TBC1D12: variants seen among roughly 807,000 people sequenced by gnomAD.
TBC1D12 encodes the protein TBC1 domain family member 12.
TBC1D12 carries 56 observed loss-of-function variants against 86.7 expected under a neutral mutation model. The ratio of observed to expected loss-of-function variants is 0.65; its 90% CI spans 0.52 to 0.81. TBC1D12 has a LOEUF of 0.81. TBC1D12 is among the 30% of genes least tolerant of loss of function. The pLI, the probability that TBC1D12 is intolerant of heterozygous loss-of-function variation, is 0.00. For synonymous variants in TBC1D12, 421 were observed against 411.7 expected, an observed-to-expected ratio of 1.02 and a Z score of -0.27; for missense variants, 1,023 against 1,038.8, an observed-to-expected ratio of 0.98 and a Z score of 0.21.
chr10:94,486,596 T>A (rs1014111015), intron 3 of TBC1D12, among the ~76,000 whole-genome samples: 1 of 152,220 alleles, frequency 6.6e-6, no homozygotes, highest in Admixed American at 6.5e-5. Context: ...AATTTGCATG[T>A]GTTTGTATAG....
At position 94,494,650 on chromosome 10, in the gene TBC1D12, C is replaced by T. The variant is rs556416049; in HGVS notation, c.1294+1203C>T. Among the ~76,000 whole-genome samples the T allele has an allele frequency of 1.3e-4, 19 of 151,588 alleles. No homozygotes were observed. The South Asian group carries it at 3.8e-3, about 30-fold the overall frequency. On this transcript the variant is annotated intron_variant, in intron 4 of 12. Transcript: ENST00000225235. The stretch of plus-strand genomic sequence containing the variant: ...CCTCAATCTCCCAGGCTCAGGAGAT[C>T]CTCTCACCTCAGCCTCCCAAGTAGC...
chr10:94,459,412 C>T (rs985455351), intron 2 of TBC1D12, among the ~76,000 whole-genome samples: 14 of 152,272 alleles, frequency 9.2e-5, no homozygotes, highest in African/African-American at 2.7e-4. Flanking sequence ...CCACCCGACT[C>T]AAGAGCCCAG....
intron 9 of TBC1D12, among the ~76,000 whole-genome samples, chr10:94,521,221 C>CAAAAAAAAAAAAAAAACA (rs2134222909): frequency 2.1e-5 from 1 of 48,488 alleles, no homozygotes; most frequent in Non-Finnish European, 4.6e-5. Flanking sequence ...AAAAAGAAAC[C>CAAAAAAAAAAAAAAAACA]AAAAAAAAAA....
chr10:94,451,958 T>G (rs1024545972), intron 2 of TBC1D12, among the ~76,000 whole-genome samples: 4 of 152,012 alleles, frequency 2.6e-5, no homozygotes, highest in Non-Finnish European at 4.4e-5. Flanking sequence ...AGTTTGTGGT[T>G]GTTAAACCAA....
Position 94,507,635 on chromosome 10 carries a change from G to A in TBC1D12, c.1600+288G>A, listed in dbSNP as rs373902470. On this transcript the variant is annotated intron_variant, in intron 7 of 12. Transcript: ENST00000225235. ...ATCATTTTTGACTCATTTTTATGAA[G>A]CATTGAAATTATGAGAATTAAAATT... is the stretch of plus-strand genomic sequence containing the variant. Among the ~76,000 whole-genome samples the A allele has an allele frequency of 7.2e-5, 11 of 152,258 alleles. No individual in the cohort carries two copies. The East Asian group carries it at 2.1e-3, about 29-fold the overall frequency.
chr10:94,469,730 G>A (rs910021117), intron 2 of TBC1D12, among the ~76,000 whole-genome samples: 4 of 152,130 alleles, frequency 2.6e-5, no homozygotes, highest in African/African-American at 4.8e-5. Context: ...GATTACAGGT[G>A]TGAGCCACTG....
At chr10:94,511,883 A>G (rs1217986194) in intron 9 of TBC1D12, among the ~76,000 whole-genome samples, 3 of 152,186 alleles carry the variant, frequency 2.0e-5, no homozygotes, top group Non-Finnish European at 4.4e-5. Flanking sequence ...CATGCAATTT[A>G]TAAACTTTTA....
At chr10:94,528,130 T>C (rs1316215660) in intron 11 of TBC1D12, among the ~76,000 whole-genome samples, 1 of 152,140 alleles carries the variant, frequency 6.6e-6, no homozygotes, top group African/African-American at 2.4e-5. Flanking sequence ...ATTGGTATTT[T>C]GATAGGGATT....
intron 2 of TBC1D12, among the ~76,000 whole-genome samples, chr10:94,455,554 T>G (rs534271158): frequency 1.1e-4 from 16 of 152,334 alleles, no homozygotes; most frequent in South Asian, 1.0e-3. Context: ...AATTATTGAT[T>G]CAGTTTCTTC....
At position 94,403,092 on chromosome 10, in the gene TBC1D12, G is replaced by A; in HGVS notation, c.479G>A (p.Gly160Asp). Residue 160 changes from glycine (G) to aspartate (D), a missense_variant, in exon 1 of 13, where the codon GGC (glycine) becomes GAC (aspartate). Gly to Asp is a moderately conservative substitution (Grantham distance 94). Around this residue, in one of 2 missense-constraint regions of TBC1D12, gnomAD observed 628 missense variants for 531.1 expected, o/e 1.18. Coordinates refer to ENST00000225235, the MANE Select transcript of TBC1D12 (RefSeq NM_015188.2). The stretch of plus-strand genomic sequence containing the variant: ...GCTCGCGGGCTGGCGCGCGCCGGCG[G>A]CCGGGAGTCGCGCCGCCGCCGCCCC... The part of the protein sequence containing the change: ...EEARGLARAG[G>D]RESRRRRPYG... The A allele has an allele frequency of 7.1e-7, 1 of 1,409,262 alleles. No individual in the cohort carries two copies. The highest frequency in any genetic ancestry group is 9.2e-7 in the Non-Finnish European group (1 of 1,086,360). 87.3% of individuals were successfully genotyped at this position (1,409,262 alleles called of 1,614,324 possible). A position where few individuals can be genotyped will look rare whatever the true frequency, so the allele number is the denominator to read the frequency against.
rs190808217 is a variant in TBC1D12 at position 94,522,726 on chromosome 10, C to G, written c.2000+273C>G. ...GTCAGGAGTTCAAGACCAGCCTGTC[C>G]CACATGGCGAAACCCCGTCTCTACT... On this transcript the variant is annotated intron_variant, in intron 11 of 12. Transcript: ENST00000225235. Among the ~76,000 whole-genome samples, 233 of 151,936 alleles carry G rather than the reference C, an allele frequency of 1.5e-3. 1 individual carries two copies. Among genetic ancestry groups the G allele is most frequent in the Non-Finnish European group, 2.7e-3 (185 of 67,976 alleles).
intron 3 of TBC1D12, among the ~76,000 whole-genome samples, chr10:94,491,189 A>G (rs868780980): frequency 2.6e-5 from 4 of 152,124 alleles, no homozygotes; most frequent in Non-Finnish European, 4.4e-5. Context: ...CTAATGATTT[A>G]AGGGGAAAGG....
chr10:94,478,149 C>T (rs1195415221), intron 3 of TBC1D12, among the ~76,000 whole-genome samples: 1 of 152,124 alleles, frequency 6.6e-6, no homozygotes, highest in African/African-American at 2.4e-5. Flanking sequence ...TGGCACATAC[C>T]TGTAGTCCTA....
intron 2 of TBC1D12, among the ~76,000 whole-genome samples, chr10:94,465,741 C>CATACATATGTATACATACATACGT (rs2055802273): frequency 2.1e-5 from 3 of 144,444 alleles, no homozygotes; most frequent in African/African-American, 8.1e-5. Flanking sequence ...CATACGTATA[C>CATACATATGTATACATACATACGT]ATACATACAT....
intron 2 of TBC1D12, among the ~76,000 whole-genome samples, chr10:94,458,635 T>C (rs1325255361): frequency 6.6e-6 from 1 of 152,126 alleles, no homozygotes; most frequent in Non-Finnish European, 1.5e-5. Flanking sequence ...GTCCGGAATT[T>C]GCTCCTTCTG....
At chr10:94,522,492 A>T in intron 11 of TBC1D12, 39 bp downstream of exon 11, 1 of 876,500 alleles carries the variant, frequency 1.1e-6, no homozygotes, top group Non-Finnish European at 1.7e-6. Flanking sequence ...AATGAAAAGG[A>T]AATAAAGTAT....
At chr10:94,453,705 C>T (rs1004003115) in intron 2 of TBC1D12, among the ~76,000 whole-genome samples, 2 of 152,088 alleles carry the variant, frequency 1.3e-5, no homozygotes, top group African/African-American at 4.8e-5. Flanking sequence ...TCAAGGCCAT[C>T]TAAATTTTCT....
At chr10:94,531,724 GTTATT>G (rs1478865399) in intron 12 of TBC1D12, among the ~76,000 whole-genome samples, 19 of 123,634 alleles carry the variant, frequency 1.5e-4, no homozygotes, top group Admixed American at 8.8e-4. Flanking sequence ...GTTATTTTAT[GTTATT>G]TTATGTTATG....
intron 2 of TBC1D12, among the ~76,000 whole-genome samples, chr10:94,445,635 C>A (rs1392267436): frequency 6.6e-6 from 1 of 152,006 alleles, no homozygotes; most frequent in Non-Finnish European, 1.5e-5. Context: ...CATTTTTCTT[C>A]TGACCTTTTT....
Sources: gnomAD v4.1 joint callset for allele counts (sites outside exome capture counted in the v4.1 genomes callset) on GRCh38, gnomAD v4.1.1 for gene constraint, gnomAD v4.1.1 regional missense constraint, MANE v1.5 for transcripts, NCBI Gene and HGNC (gene_info 2026-07-23, HGNC 2026-07-21) for gene names.